Variants in DHRS3 observed in about 807,000 individuals in gnomAD.
DHRS3 encodes dehydrogenase/reductase 3, also known as short-chain dehydrogenase/reductase 3.
In DHRS3, 14 loss-of-function variants were observed where a neutral mutation model predicts 27.2. The observed-to-expected ratio is 0.52, with a 90% CI of 0.34 to 0.81. The LOEUF (loss-of-function observed/expected upper bound fraction) is 0.81. Ranked by LOEUF, DHRS3 falls within the 30% of genes least tolerant of loss-of-function variation. DHRS3 has a pLI of 0.01. For synonymous variants in DHRS3, 165 were observed against 175.9 expected (o/e 0.94, Z 0.49); for missense variants, 322 against 406.2 (o/e 0.79, Z 1.78).
At chr1:12,615,479 C>G (rs1445708509) in intron 1 of DHRS3, among the ~76,000 whole-genome samples, 1 of 152,148 alleles carries the variant, frequency 6.6e-6, no homozygotes, top group African/African-American at 2.4e-5. Flanking sequence ...TCACACCCAC[C>G]CCCCAATGCC....
chr1:12,603,869 A>C (rs998319922), intron 1 of DHRS3, among the ~76,000 whole-genome samples: 1 of 152,040 alleles, frequency 6.6e-6, no homozygotes, highest in African/African-American at 2.4e-5. Flanking sequence ...ACACATCTGT[A>C]CTCTCCACCC....
chr1:12,572,656 C>T (rs1025582119), intron 5 of DHRS3, 72 bp downstream of exon 5: 53 of 1,539,646 alleles, frequency 3.4e-5, no homozygotes, highest in Middle Eastern at 3.4e-4. Context: ...TGCTCATGCC[C>T]GCAGCAGACA....
intron 5 of DHRS3, among the ~76,000 whole-genome samples, chr1:12,570,331 G>A (rs1646525148): frequency 6.6e-6 from 1 of 152,236 alleles, no homozygotes; most frequent in Admixed American, 6.5e-5. Context: ...GGCCTTCATG[G>A]CGGGTATTTC....
intron 5 of DHRS3, among the ~76,000 whole-genome samples, chr1:12,570,342 A>G (rs1426883145): frequency 6.6e-6 from 1 of 151,998 alleles, no homozygotes; most frequent in Non-Finnish European, 1.5e-5. Context: ...CGGGTATTTC[A>G]TCTCTGATCC....
In DHRS3 at chr1:12,592,221, G is replaced by A. The variant is rs116970132; in HGVS notation, c.196-11555C>T. On this transcript the variant is annotated intron_variant, in intron 1 of 5. Coordinates refer to ENST00000616661, the MANE Select transcript of DHRS3 (RefSeq NM_004753.7). This position sits in a 1 kb window ranked among gnomAD's most constrained non-coding sequence, Gnocchi z 4.2. Reference sequence around the variant, plus strand: ...CTGGGCTCTTAGACTGAATCCTCTCGGCTGCCCGGATGTGGTACAGTCGGC... The same window carrying A: ...CTGGGCTCTTAGACTGAATCCTCTCAGCTGCCCGGATGTGGTACAGTCGGC... Among the ~76,000 whole-genome samples the A allele has an allele frequency of 5.9e-5, 9 of 152,274 alleles. No individual in the cohort carries two copies. The highest frequency in any genetic ancestry group is 6.8e-3 in the Middle Eastern group (2 of 294).
Position 12,594,072 on chromosome 1 carries a change from C to G in DHRS3, c.196-13406G>C, listed in dbSNP as rs954908660. 2.0e-5 allele frequency among the ~76,000 whole-genome samples: 3 copies of G among 152,152 alleles called. No individual in the cohort carries two copies. Among genetic ancestry groups the G allele is most frequent in the African/African-American group, 7.2e-5 (3 of 41,440 alleles). ...CTCTTGCTGGAAAGTGCTGGGTGAC[C>G]TTGGGGTGGGGGTGCCAAGGAGAGG... is the stretch of plus-strand genomic sequence containing the variant. On this transcript the variant is annotated intron_variant, in intron 1 of 5. Transcript: ENST00000616661. The surrounding 1 kb of genome is among the most constrained non-coding windows in gnomAD (Gnocchi z 4.1).
At chr1:12,611,680 G>T (rs5022243) in intron 1 of DHRS3, among the ~76,000 whole-genome samples, 2 of 151,826 alleles carry the variant, frequency 1.3e-5, no homozygotes. Flanking sequence ...GTTGACTGAT[G>T]TGTAAGACGA....
chr1:12,576,039 G>C (rs890469974), intron 4 of DHRS3, among the ~76,000 whole-genome samples: 2 of 152,038 alleles, frequency 1.3e-5, no homozygotes, highest in Admixed American at 1.3e-4. Flanking sequence ...TCTTTTTAGA[G>C]GTGAGGAAAC....
chr1:12,575,853 C>T (rs1400042247), intron 4 of DHRS3, among the ~76,000 whole-genome samples: 12 of 152,080 alleles, frequency 7.9e-5, no homozygotes, highest in African/African-American at 2.7e-4. Flanking sequence ...ATTACAGGCA[C>T]CCACCACCAT....
chr1:12,617,112 C>T (rs745640932), intron 1 of DHRS3, 42 bp downstream of exon 1: 5 of 1,579,272 alleles, frequency 3.2e-6, no homozygotes, highest in Non-Finnish European at 4.3e-6. Context: ...CTTACCCCCG[C>T]CCCTGCGGCC....
Position 12,618,152 on chromosome 1 carries a change from G to A in DHRS3, c.-804C>T, listed in dbSNP as rs1646958576. Among the ~76,000 whole-genome samples, 1 of 152,032 alleles carries A rather than the reference G, an allele frequency of 6.6e-6. No homozygotes were observed. The highest frequency in any genetic ancestry group is 2.1e-4 in the South Asian group (1 of 4,816). ...CTTCTCTCCCTTTTTAGCATTTATT[G>A]CCTTCTTTTTGTCCTTTCCAACTTG... On this transcript the variant is annotated 5_prime_UTR_variant, in exon 1 of 6. Transcript: ENST00000616661. The surrounding 1 kb of genome is among the most constrained non-coding windows in gnomAD (Gnocchi z 4.2).
Position 12,568,383 on chromosome 1 carries a change from G to C in DHRS3, c.866C>G (p.Ser289Ter). The C allele has an allele frequency of 6.2e-7, 1 of 1,614,004 alleles. No homozygotes were observed. Among genetic ancestry groups the C allele is most frequent in the Admixed American group, 1.7e-5 (1 of 60,020 alleles). ...QAALEEIHKF[S>*]GTYTCMNTFK... ...AGTGTTCATGCAGGTGTAGGTTCCT[G>C]AGAATTTGTGGATCTCCTCGAGTGC... The change falls in exon 6 of 6, where the codon TCA becomes TGA. Residue 289 changes from serine (S) to a stop codon, truncating the protein, a stop_gained. Transcript: ENST00000616661. LOFTEE classifies it high-confidence loss of function.
intron 3 of DHRS3, 98 bp from the exon 4 acceptor site, chr1:12,579,054 G>A: frequency 7.8e-7 from 1 of 1,285,884 alleles, no homozygotes; most frequent in South Asian, 1.3e-5. Flanking sequence ...CACACATGAT[G>A]CTCTAGGGCC....
intron 1 of DHRS3, among the ~76,000 whole-genome samples, chr1:12,615,998 T>TA (rs1646941717): frequency 5.9e-5 from 9 of 152,176 alleles, no homozygotes; most frequent in Admixed American, 3.9e-4. Flanking sequence ...CGGCTTTGGC[T>TA]GATAGTTCAG....
intron 1 of DHRS3, among the ~76,000 whole-genome samples, chr1:12,605,401 T>A (rs779315271): frequency 1.3e-5 from 2 of 152,206 alleles, no homozygotes; most frequent in Non-Finnish European, 2.9e-5. Flanking sequence ...CATAGTCATG[T>A]ACAATACCAT....
intron 1 of DHRS3, among the ~76,000 whole-genome samples, chr1:12,587,477 G>C (rs1241648381): frequency 2.0e-5 from 3 of 152,132 alleles, no homozygotes; most frequent in Non-Finnish European, 4.4e-5. Context: ...GGGTGTCTCA[G>C]GCAGGATCAC....
intron 1 of DHRS3, among the ~76,000 whole-genome samples, chr1:12,585,569 C>G (rs1646690492): frequency 6.6e-6 from 1 of 152,170 alleles, no homozygotes; most frequent in African/African-American, 2.4e-5. Flanking sequence ...GAATGGGTCC[C>G]TTTCCCTGGT....
intron 1 of DHRS3, among the ~76,000 whole-genome samples, chr1:12,581,816 G>C (rs1338019048): frequency 6.6e-6 from 1 of 152,158 alleles, no homozygotes; most frequent in Non-Finnish European, 1.5e-5. Flanking sequence ...GCAGGGGGCT[G>C]AACACCGCCC....
intron 1 of DHRS3, among the ~76,000 whole-genome samples, chr1:12,590,253 CTT>C (rs1646734213): frequency 6.6e-6 from 1 of 152,136 alleles, no homozygotes; most frequent in Non-Finnish European, 1.5e-5. Flanking sequence ...TCATTCCAGG[CTT>C]CTCCTCACTC....
Sources: allele counts gnomAD v4.1 joint callset (sites outside exome capture counted in the v4.1 genomes callset), GRCh38; gene constraint gnomAD v4.1.1; non-coding constraint Gnocchi (gnomAD v3.1); transcripts MANE v1.5; gene names NCBI Gene and HGNC (gene_info 2026-07-23, HGNC 2026-07-21).